GSE1: variants seen among roughly 807,000 people sequenced by gnomAD.
GSE1 encodes genetic suppressor element 1.
GSE1 carries 32 observed loss-of-function variants against 112.6 expected under a neutral mutation model. That is an observed-to-expected ratio of 0.28 (90% CI 0.21 to 0.38). The LOEUF is 0.38. Among genes scored for constraint, GSE1 ranks in the 10% least tolerant of loss-of-function variants. The probability of loss-of-function intolerance (pLI) is 1.00; values close to 1 mark genes in which losing one functional copy is unlikely to be tolerated. For synonymous variants in GSE1, 1,115 were observed against 735.6 expected (o/e 1.52, Z -8.35); for missense variants, 2,348 against 1,699.2 (o/e 1.38, Z -6.71).
At chr16:85,541,669 G>T (rs2044523416) in intron 2 of GSE1, among the ~76,000 whole-genome samples, 2 of 152,242 alleles carry the variant, frequency 1.3e-5, no homozygotes, top group South Asian at 4.1e-4. Context: ...CACATAAGAG[G>T]CAAAGCCACG....
chr16:85,670,753 T>A (rs1216855241), intron 14 of GSE1: 1 of 300,742 alleles, frequency 3.3e-6, no homozygotes, highest in Non-Finnish European at 6.1e-6. Flanking sequence ...TGTATCAAAT[T>A]GCCTTTAGGT....
At chr16:85,535,017 A>T (rs2044274849) in intron 2 of GSE1, among the ~76,000 whole-genome samples, 1 of 152,184 alleles carries the variant, frequency 6.6e-6, no homozygotes, top group Non-Finnish European at 1.5e-5. Context: ...CCTGTTTCTT[A>T]GAGCTGATTG....
intron 1 of GSE1, among the ~76,000 whole-genome samples, chr16:85,351,928 T>G (rs60054656): frequency 0.052 from 7,932 of 152,094 alleles, 653 homozygotes; most frequent in African/African-American, 0.17. Flanking sequence ...AGGCAAAGTT[T>G]GCAGTGAGCC....
chr16:85,444,191 G>A (rs998471983), intron 2 of GSE1, among the ~76,000 whole-genome samples: 4 of 151,956 alleles, frequency 2.6e-5, no homozygotes, highest in African/African-American at 7.3e-5. Context: ...TCACCATGTC[G>A]GCCAGGATGG....
Position 85,668,487 on chromosome 16 carries a change from A to C in GSE1, c.3415+63A>C, listed in dbSNP as rs2053067926. ...GAAAGTACCTTTGGAAAGGAAGCTG[A>C]GTGATGAGTTCATGCAGACCTCTGC... On this transcript the variant is annotated intron_variant, in intron 14 of 15. Coordinates refer to ENST00000253458, the MANE Select transcript of GSE1 (RefSeq NM_014615.5). 1.2e-5 allele frequency: 14 copies of C among 1,165,682 alleles called. No individual in the cohort carries two copies. The East Asian group carries it at 3.3e-4, about 28-fold the overall frequency. The allele number at this position is 1,165,682 out of a possible 1,614,324, so 72.2% of individuals were successfully genotyped here.
intron 10 of GSE1, 66 bp from the exon 11 acceptor site, chr16:85,663,278 C>G: frequency 1.3e-6 from 2 of 1,562,700 alleles, no homozygotes; most frequent in Non-Finnish European, 1.7e-6. Flanking sequence ...AGGAGGGGAC[C>G]CCGGGACAGT....
In GSE1 at chr16:85,375,479, C is replaced by G. The variant is rs151042235; in HGVS notation, c.2464+17836C>G. Among the ~76,000 whole-genome samples, 742 of 152,304 alleles carry G rather than the reference C, an allele frequency of 4.9e-3. 6 individuals carry two copies. Among genetic ancestry groups the G allele is most frequent in the African/African-American group, 0.017 (724 of 41,546 alleles). ...GGGAAGCAGCGGGTGTCACAAAGAG[C>G]CACAGCTGGGCAGCACCAGTGCTGG... On this transcript the variant is annotated intron_variant, in intron 2 of 2. Transcript: ENST00000637419.
At chr16:85,282,744 T>C (rs138802936) in intron 1 of GSE1, among the ~76,000 whole-genome samples, 17 of 152,390 alleles carry the variant, frequency 1.1e-4, no homozygotes, top group African/African-American at 4.1e-4. Context: ...TAGTCGAGAT[T>C]CAATGTTATC....
intron 2 of GSE1, among the ~76,000 whole-genome samples, chr16:85,492,600 C>T (rs1013347233): frequency 6.6e-6 from 1 of 152,232 alleles, no homozygotes; most frequent in Non-Finnish European, 1.5e-5. Flanking sequence ...AGAGGCCGAA[C>T]AGCTTGTCTG....
intron 2 of GSE1, among the ~76,000 whole-genome samples, chr16:85,525,905 G>A (rs1030216424): frequency 3.3e-5 from 5 of 152,190 alleles, no homozygotes; most frequent in Admixed American, 6.5e-5. Context: ...GCCTGAGCTC[G>A]CGGCCCTCCA....
At chr16:85,532,248 T>A (rs967282668) in intron 2 of GSE1, among the ~76,000 whole-genome samples, 1 of 152,118 alleles carries the variant, frequency 6.6e-6, no homozygotes, top group East Asian at 1.9e-4. Flanking sequence ...AGCTAAAATG[T>A]GGTAGAGCTG....
At chr16:85,222,103 G>A (rs1231715652) in intron 1 of GSE1, among the ~76,000 whole-genome samples, 1 of 152,152 alleles carries the variant, frequency 6.6e-6, no homozygotes, top group East Asian at 1.9e-4. Context: ...TCTCCCTCTG[G>A]GCCACATCTA....
chr16:85,596,826 A>G (rs114188123), intron 1 of GSE1, among the ~76,000 whole-genome samples: 1,553 of 152,184 alleles, frequency 0.01, 23 homozygotes, highest in African/African-American at 0.032. Flanking sequence ...GCTTGAAGCC[A>G]GGACTTCGAG....
chr16:85,357,448 C>G, intron 1 of GSE1: 1 of 1,205,784 alleles, frequency 8.3e-7, no homozygotes. Flanking sequence ...CTGTGTCCAC[C>G]TCTTTTCCTT....
At chr16:85,402,525 C>G (rs530842156) in intron 2 of GSE1, among the ~76,000 whole-genome samples, 1 of 152,162 alleles carries the variant, frequency 6.6e-6, no homozygotes, top group Non-Finnish European at 1.5e-5. Flanking sequence ...GAGTGGCCTG[C>G]AAGCCATGTG....
chr16:85,388,819 G>T (rs2047766878), intron 2 of GSE1, among the ~76,000 whole-genome samples: 1 of 152,202 alleles, frequency 6.6e-6, no homozygotes, highest in Non-Finnish European at 1.5e-5. Flanking sequence ...TACTGGTGAA[G>T]AAGTGGGGCA....
intron 1 of GSE1, among the ~76,000 whole-genome samples, chr16:85,572,854 G>A (rs1598234721): frequency 1.3e-5 from 2 of 152,286 alleles, no homozygotes; most frequent in East Asian, 3.9e-4. Flanking sequence ...AGATGATCAA[G>A]TCAGGGCATT....
chr16:85,666,571 C>T (rs1411772043), intron 13 of GSE1: 14 of 578,378 alleles, frequency 2.4e-5, no homozygotes, highest in African/African-American at 5.6e-5. Flanking sequence ...TAGGCACCAG[C>T]GCTGACGCTG....
chr16:85,177,883 C>A (rs1312948098), intron 1 of GSE1, among the ~76,000 whole-genome samples: 1 of 152,196 alleles, frequency 6.6e-6, no homozygotes, highest in African/African-American at 2.4e-5. Flanking sequence ...CAGGGACGAA[C>A]TGCAGTCCTG....
Sources: gnomAD v4.1 joint callset for allele counts (sites outside exome capture counted in the v4.1 genomes callset) on GRCh38, gnomAD v4.1.1 for gene constraint, MANE v1.5 for transcripts, NCBI Gene and HGNC (gene_info 2026-07-23, HGNC 2026-07-21) for gene names.